BBS7: variants seen among roughly 807,000 people sequenced by gnomAD.
The protein encoded by BBS7 is BBSome complex member BBS7.
Under a neutral mutation model 90.3 loss-of-function variants are expected in BBS7, and 50 were observed. The ratio of observed to expected loss-of-function variants is 0.55; its 90% confidence interval spans 0.44 to 0.70. The LOEUF is 0.70. BBS7 is among the 30% of genes least tolerant of loss of function. The pLI is 0.00. For missense variants in BBS7, 729 were observed against 838.9 expected, an observed-to-expected ratio of 0.87 and a Z score of 1.62; for synonymous variants, 235 against 287.4, an observed-to-expected ratio of 0.82 and a Z score of 1.85.
intron 2 of BBS7, 121 bp downstream of exon 2, chr4:121,867,860 A>C: frequency 1.1e-6 from 1 of 904,620 alleles, no homozygotes; most frequent in Non-Finnish European, 1.8e-6. Flanking sequence ...CAAATTAAAA[A>C]ATTCATTTCC....
chr4:121,865,430 G>A (rs1425979132), intron 2 of BBS7, among the ~76,000 whole-genome samples: 2 of 152,040 alleles, frequency 1.3e-5, no homozygotes, highest in South Asian at 4.2e-4. Flanking sequence ...GTACAGATGG[G>A]GTTTCACCAT....
intron 9 of BBS7, among the ~76,000 whole-genome samples, chr4:121,848,075 A>T (rs1478296147): frequency 6.6e-6 from 1 of 152,078 alleles, no homozygotes; most frequent in Non-Finnish European, 1.5e-5. Flanking sequence ...CATGCTAAAC[A>T]CTCTTAAAAA....
At chr4:121,834,473 G>A (rs1725348721) in intron 14 of BBS7, among the ~76,000 whole-genome samples, 1 of 152,084 alleles carries the variant, frequency 6.6e-6, no homozygotes, top group Non-Finnish European at 1.5e-5. Context: ...AAAGAATATG[G>A]GTTTTGGCTT....
intron 13 of BBS7, among the ~76,000 whole-genome samples, chr4:121,838,135 C>A (rs1334948254): frequency 6.6e-6 from 1 of 151,202 alleles, no homozygotes; most frequent in African/African-American, 2.4e-5. Context: ...TGCTTTTAAT[C>A]AATTTTTACT....
At chr4:121,831,122 T>C (rs1298444562) in intron 15 of BBS7, among the ~76,000 whole-genome samples, 1 of 152,204 alleles carries the variant, frequency 6.6e-6, no homozygotes, top group African/African-American at 2.4e-5. Context: ...GGAGAATCAC[T>C]TGAACCCAGG....
intron 8 of BBS7, among the ~76,000 whole-genome samples, chr4:121,849,587 G>C (rs1238222205): frequency 6.6e-6 from 1 of 152,146 alleles, no homozygotes; most frequent in Non-Finnish European, 1.5e-5. Context: ...CCAGCACTTT[G>C]GGAAGCCGAG....
Position 121,825,862 on chromosome 4 carries a change from A to G in BBS7, c.2146T>C (p.Ter716ArgextTer15), listed in dbSNP as rs200470633. The G allele has an allele frequency of 6.8e-5, 110 of 1,612,910 alleles. No individual in the cohort carries two copies. The highest frequency in any genetic ancestry group is 8.8e-5 in the Non-Finnish European group (104 of 1,179,568). The change falls in exon 19 of 19, where the codon TGA becomes CGA. Residue 716 changes from the stop codon to arginine, a stop_lost. Coordinates refer to ENST00000264499, the MANE Select transcript of BBS7 (RefSeq NM_176824.3). Reference sequence around the variant, plus strand: ...TGGGACTTTACCTTATTTGTATGTCATGCTGCATCGAAGAATGAAATCAAT... The same window carrying G: ...TGGGACTTTACCTTATTTGTATGTCGTGCTGCATCGAAGAATGAAATCAAT... ...NALISFFDAA[*>R]
chr4:121,850,920 A>G (rs1466080119), intron 8 of BBS7, among the ~76,000 whole-genome samples: 1 of 152,220 alleles, frequency 6.6e-6, no homozygotes, highest in Non-Finnish European at 1.5e-5. Flanking sequence ...TTTGATTATA[A>G]TAAATCACAT....
intron 12 of BBS7, among the ~76,000 whole-genome samples, chr4:121,843,464 CAG>C (rs1472625310): frequency 1.3e-5 from 2 of 152,138 alleles, no homozygotes; most frequent in African/African-American, 2.4e-5. Context: ...GTAGAACTGA[CAG>C]AAACTAGTGA....
Position 121,858,632 on chromosome 4 carries a change from A to C in BBS7, c.528+360T>G, listed in dbSNP as rs1726811055. 15 of 229,892 alleles carry C rather than the reference A, an allele frequency of 6.5e-5. No individual in the cohort carries two copies. In the South Asian group the frequency reaches 9.2e-4, roughly 14 times the overall value. 14.2% of individuals were successfully genotyped at this position (229,892 alleles called of 1,614,324 possible). On this transcript the variant is annotated intron_variant, in intron 5 of 18. Coordinates refer to ENST00000264499, the MANE Select transcript of BBS7 (RefSeq NM_176824.3). ...TTATATAACATCCTCCCTCCAACCCAATTTCTTCCTTTAATTTGATTTTTG... is the reference window on the plus strand; with the variant it reads ...TTATATAACATCCTCCCTCCAACCCCATTTCTTCCTTTAATTTGATTTTTG...
Position 121,825,169 on chromosome 4 carries a change from C to T in BBS7, c.*691G>A, listed in dbSNP as rs1374657197. The T allele has an allele frequency of 6.6e-6, 1 of 152,186 alleles. No homozygotes were observed. The highest frequency in any genetic ancestry group is 1.5e-5 in the Non-Finnish European group (1 of 68,060). The allele number at this position is 152,186 out of a possible 1,614,324, so 9.4% of individuals were successfully genotyped here. A position where few individuals can be genotyped will look rare whatever the true frequency, so the allele number is the denominator to read the frequency against. On this transcript the variant is annotated 3_prime_UTR_variant, in exon 19 of 19. Coordinates refer to ENST00000264499, the MANE Select transcript of BBS7 (RefSeq NM_176824.3). Reference sequence around the variant, plus strand: ...GTAAGCTCTTCTTATTTCCTGGCTACAATTTATAGCACTGAGCCAAGTCCA... The same window carrying T: ...GTAAGCTCTTCTTATTTCCTGGCTATAATTTATAGCACTGAGCCAAGTCCA...
At chr4:121,826,277 T>C (rs1724902582) in intron 18 of BBS7, among the ~76,000 whole-genome samples, 1 of 152,316 alleles carries the variant, frequency 6.6e-6, no homozygotes. Context: ...TATCAGTATA[T>C]ATAACATCAC....
At chr4:121,861,024 T>C (rs1041529863) in intron 4 of BBS7, among the ~76,000 whole-genome samples, 1 of 152,164 alleles carries the variant, frequency 6.6e-6, no homozygotes, top group East Asian at 1.9e-4. Context: ...CTCCCTGTGA[T>C]TCAAAAACTC....
intron 2 of BBS7, among the ~76,000 whole-genome samples, 176 bp downstream of exon 2, chr4:121,867,805 G>A (rs1727368874): frequency 6.6e-6 from 1 of 152,094 alleles, no homozygotes; most frequent in African/African-American, 2.4e-5. Context: ...TAATGTCCAA[G>A]AAAATTATTG....
chr4:121,848,703 G>A (rs578026619), intron 9 of BBS7, 141 bp downstream of exon 9: 2 of 654,588 alleles, frequency 3.1e-6, no homozygotes, highest in East Asian at 5.7e-5. Flanking sequence ...GCTTCCACTG[G>A]GGGTCTTGGA....
At position 121,828,267 on chromosome 4, in the gene BBS7, T is replaced by A; in HGVS notation, c.1893A>T (p.Glu631Asp). The A allele has an allele frequency of 6.2e-7, 1 of 1,612,876 alleles. No individual in the cohort carries two copies. The change falls in exon 18 of 19, where the codon GAA becomes GAT. Residue 631 changes from glutamate (E) to aspartate (D), a missense_variant and splice_region_variant. Coordinates refer to ENST00000264499, the MANE Select transcript of BBS7 (RefSeq NM_176824.3). ...TCGTATTTCCCTCATGAATCTGTAA[T>A]TCCTATTTAAAATGAAAAACAGAAG... Reference protein sequence around the residue: ...KKVQLIDALKELQIHEGNTNF... With the variant: ...KKVQLIDALKDLQIHEGNTNF...
chr4:121,837,244 G>A (rs974683461), intron 13 of BBS7, among the ~76,000 whole-genome samples: 1 of 152,106 alleles, frequency 6.6e-6, no homozygotes, highest in African/African-American at 2.4e-5. Flanking sequence ...TAAGATTGCA[G>A]GCGTGAGCCA....
intron 8 of BBS7, 38 bp from the exon 9 acceptor site, chr4:121,848,966 A>T: frequency 6.8e-7 from 1 of 1,478,770 alleles, no homozygotes; most frequent in Non-Finnish European, 9.4e-7. Context: ...ATTAGTAACT[A>T]AAAAATCCAC....
intron 3 of BBS7, among the ~76,000 whole-genome samples, chr4:121,861,976 G>GC (rs1727007598): frequency 1.3e-5 from 2 of 152,146 alleles, no homozygotes; most frequent in African/African-American, 4.8e-5. Context: ...TATTTAAAAT[G>GC]CAGCAGATCA....
Sources: allele counts gnomAD v4.1 joint callset (sites outside exome capture counted in the v4.1 genomes callset), GRCh38; gene constraint gnomAD v4.1.1; transcripts MANE v1.5; gene names NCBI Gene and HGNC (gene_info 2026-07-23, HGNC 2026-07-21).